Variants in DYSF observed in about 807,000 individuals in gnomAD.
DYSF encodes the protein dystrophy-associated fer-1-like 1.
Under a neutral mutation model 274.9 loss-of-function variants are expected in DYSF, and 212 were observed. The ratio of observed to expected loss-of-function variants is 0.77; its 90% CI spans 0.69 to 0.86. DYSF has a LOEUF of 0.86. DYSF is among the 40% of genes least tolerant of loss of function. DYSF has a pLI of 0.00. For missense variants in DYSF, 2,666 were observed against 2,783.2 expected (o/e 0.96, Z 0.95); for synonymous variants, 1,091 against 1,078.7 (o/e 1.01, Z -0.22).
At chr2:71,508,934 C>T (rs1020341574) in intron 4 of DYSF, among the ~76,000 whole-genome samples, 8 of 152,150 alleles carry the variant, frequency 5.3e-5, no homozygotes, top group Admixed American at 4.6e-4. Flanking sequence ...CTCACTGCAG[C>T]CTCCGCCTCC....
At chr2:71,629,749 A>G (rs2094281218) in intron 41 of DYSF, among the ~76,000 whole-genome samples, 2 of 152,226 alleles carry the variant, frequency 1.3e-5, no homozygotes, top group South Asian at 4.1e-4. Context: ...CCATGCATTT[A>G]AAATGGATTT....
At chr2:71,562,154 G>T (rs1305195502) in intron 23 of DYSF, among the ~76,000 whole-genome samples, 1 of 152,198 alleles carries the variant, frequency 6.6e-6, no homozygotes, top group Non-Finnish European at 1.5e-5. Context: ...GTGTTATGGG[G>T]CCCAGCACAG....
intron 4 of DYSF, among the ~76,000 whole-genome samples, chr2:71,509,086 C>T (rs865876193): frequency 6.6e-6 from 1 of 152,092 alleles, no homozygotes; most frequent in African/African-American, 2.4e-5. Flanking sequence ...GAACCCCTGA[C>T]CTCAGGTGAT....
chr2:71,458,567 C>G (rs2081163402), intron 1 of DYSF, among the ~76,000 whole-genome samples: 2 of 152,180 alleles, frequency 1.3e-5, no homozygotes, highest in Non-Finnish European at 2.9e-5. Context: ...CACTGGGGTA[C>G]TTTCTCTTTC....
chr2:71,662,571 TTGTG>T (rs2094905568), intron 45 of DYSF, among the ~76,000 whole-genome samples: 1 of 149,906 alleles, frequency 6.7e-6, no homozygotes, highest in Non-Finnish European at 1.5e-5. Flanking sequence ...GCATGTGTAT[TTGTG>T]TGTATACATG....
rs745656518 is a variant in DYSF, at chr2:71,598,622, C to T, written c.3633C>T (p.Asn1211=). The T allele has an allele frequency of 7.4e-6, 12 of 1,614,090 alleles. No homozygotes were observed. Among genetic ancestry groups the T allele is most frequent in the East Asian group, 2.2e-5 (1 of 44,896 alleles). The change falls in exon 33 of 56, where the codon AAC becomes AAT. Residue 1211 remains asparagine (N), a synonymous_variant. Coordinates refer to ENST00000410020, the MANE Select transcript of DYSF (RefSeq NM_001130987.2). ...GCCAGAAGACGGTGGTGGTGAAGAA[C>T]ACCCTTAACCCCACCTGGGACCAGA... is the stretch of plus-strand genomic sequence containing the variant. ...HQSQKTVVVK[N]TLNPTWDQTL...
At chr2:71,658,784 G>A (rs971450855) in intron 43 of DYSF, 94 bp from the exon 44 acceptor site, 1 of 1,497,788 alleles carries the variant, frequency 6.7e-7, no homozygotes, top group Admixed American at 1.7e-5. Context: ...GGAATTCTGG[G>A]AGATACAATT....
chr2:71,590,721 G>C (rs145087303), intron 32 of DYSF, among the ~76,000 whole-genome samples: 5 of 152,216 alleles, frequency 3.3e-5, no homozygotes, highest in Admixed American at 6.5e-5. Context: ...ATGTGACCTT[G>C]CTCCCCAGCT....
At chr2:71,517,803 A>G (rs747183927) in intron 10 of DYSF, among the ~76,000 whole-genome samples, 2 of 152,214 alleles carry the variant, frequency 1.3e-5, no homozygotes, top group Non-Finnish European at 2.9e-5. Flanking sequence ...GATGCATTTC[A>G]AAGAGACAGG....
At chr2:71,645,992 C>T (rs887000703) in intron 42 of DYSF, among the ~76,000 whole-genome samples, 4 of 152,080 alleles carry the variant, frequency 2.6e-5, no homozygotes, top group African/African-American at 7.2e-5. Context: ...ATTCTTTTGG[C>T]GCAGAGTCTC....
chr2:71,494,103 TG>T (rs2084146193), intron 3 of DYSF, among the ~76,000 whole-genome samples: 1 of 152,182 alleles, frequency 6.6e-6, no homozygotes, highest in African/African-American at 2.4e-5. Context: ...TGAGGGTTTT[TG>T]TTATCAGGCA....
chr2:71,487,036 G>A (rs953320403), intron 3 of DYSF, among the ~76,000 whole-genome samples: 2 of 152,170 alleles, frequency 1.3e-5, no homozygotes, highest in East Asian at 1.9e-4. Context: ...TTCTGATTTC[G>A]TTGGTTTGGG....
chr2:71,526,421 C>A, intron 13 of DYSF, 75 bp downstream of exon 13: 3 of 272,074 alleles, frequency 1.1e-5, no homozygotes, highest in Non-Finnish European at 2.0e-5. Context: ...TGGGCGATGG[C>A]GGGCGGGGTC....
rs1395588065 is a variant in DYSF, at chr2:71,681,062, G to A, written c.6125G>A (p.Gly2042Asp). The part of the protein sequence containing the change: ...AESEHEERPA[G>D]QGRDEPNMNP... ...AGTGAGCATGAGGAGCGGCCTGCTG[G>A]CCAGGGCCGGGATGAGCCCAACATG... The change falls in exon 54 of 56, where the codon GGC becomes GAC. Residue 2042 changes from glycine to aspartate, a missense_variant. Coordinates refer to ENST00000410020, the MANE Select transcript of DYSF (RefSeq NM_001130987.2). 9 of 1,614,196 alleles carry A rather than the reference G, an allele frequency of 5.6e-6. No individual in the cohort carries two copies. Among genetic ancestry groups the A allele is most frequent in the Non-Finnish European group, 6.8e-6 (8 of 1,180,048 alleles).
At chr2:71,465,628 A>T (rs1165576328), upstream of DYSF, among the ~76,000 whole-genome samples, 1 of 152,176 alleles carries the variant, frequency 6.6e-6, no homozygotes, top group African/African-American at 2.4e-5. Context: ...CCCTGTGAGA[A>T]TGCTGTATCC....
intron 20 of DYSF, 56 bp from the exon 21 acceptor site, chr2:71,553,751 C>CAAG: frequency 1.9e-6 from 2 of 1,045,048 alleles, no homozygotes; most frequent in Non-Finnish European, 2.8e-6. Flanking sequence ...CTTAGCACCC[C>CAAG]ATCCCACCCG....
At chr2:71,613,552 A>AACC in intron 40 of DYSF, 142 bp downstream of exon 40, 1 of 798,518 alleles carries the variant, frequency 1.3e-6, no homozygotes, top group Non-Finnish European at 2.1e-6. Flanking sequence ...GACACTGTCC[A>AACC]GTAGAGAGAC....
intron 9 of DYSF, 81 bp from the exon 10 acceptor site, chr2:71,516,908 T>G (rs2086713983): frequency 1.5e-5 from 19 of 1,275,286 alleles, no homozygotes; most frequent in Non-Finnish European, 2.2e-5. Flanking sequence ...CAGTTATTGT[T>G]TGGGAGGGAA....
intron 52 of DYSF, among the ~76,000 whole-genome samples, chr2:71,678,615 G>C (rs1175304277): frequency 6.6e-6 from 1 of 152,058 alleles, no homozygotes; most frequent in African/African-American, 2.4e-5. Flanking sequence ...AGTGATGGTT[G>C]TACAGCATTG....
Sources: gnomAD v4.1 joint callset for allele counts (sites outside exome capture counted in the v4.1 genomes callset) on GRCh38, gnomAD v4.1.1 for gene constraint, MANE v1.5 for transcripts, NCBI Gene and HGNC (gene_info 2026-07-23, HGNC 2026-07-21) for gene names.